PSG1: variants seen among roughly 807,000 people sequenced by gnomAD.
PSG1 encodes pregnancy-specific beta-1-glycoprotein 1.
PSG1 carries 60 observed loss-of-function variants against 41.4 expected under a neutral mutation model. That is an observed-to-expected ratio of 1.45 (90% CI 1.18 to 1.80). The LOEUF (loss-of-function observed/expected upper bound fraction) is 1.80. PSG1 is among the 40% of genes most tolerant of loss of function. The pLI is 0.00. For missense variants in PSG1, 806 were observed against 516.9 expected (o/e 1.56, Z -5.42); for synonymous variants, 256 against 192.9 (o/e 1.33, Z -2.71).
chr19:42,871,706 G>A, intron 3 of PSG1, 61 bp downstream of exon 3: 1 of 1,612,490 alleles, frequency 6.2e-7, no homozygotes, highest in Non-Finnish European at 8.5e-7. Flanking sequence ...GAGAGGCCTG[G>A]CCTCTGGCCA....
At chr19:42,878,355 A>G in intron 1 of PSG1, 77 bp from the exon 2 acceptor site, 1 of 1,525,054 alleles carries the variant, frequency 6.6e-7, no homozygotes, top group Non-Finnish European at 8.8e-7. Flanking sequence ...GGGTCCTGAG[A>G]AGGTCTCTTC....
At chr19:42,874,516 T>A (rs1422918712) in intron 2 of PSG1, among the ~76,000 whole-genome samples, 1 of 151,430 alleles carries the variant, frequency 6.6e-6, no homozygotes, top group Non-Finnish European at 1.5e-5. Context: ...CTGGCTAATT[T>A]TTTGCATTTT....
At chr19:42,869,733 C>G (rs1301387634) in intron 3 of PSG1, 1 of 152,294 alleles carries the variant, frequency 6.6e-6, no homozygotes, top group Non-Finnish European at 1.5e-5. Flanking sequence ...CAGGCAAGAG[C>G]TGGTGGCTTT....
chr19:42,874,873 T>C (rs1170257201), intron 2 of PSG1, among the ~76,000 whole-genome samples: 1 of 151,454 alleles, frequency 6.6e-6, no homozygotes, highest in Non-Finnish European at 1.5e-5. Context: ...CTGAGGGATT[T>C]TAACAAGTTG....
In PSG1 at chr19:42,869,016, T is replaced by G. The variant is rs569024657; in HGVS notation, c.728A>C (p.Tyr243Ser). Residue 243 changes from tyrosine (Y) to serine (S), a missense_variant, in exon 4 of 6, where the codon TAC becomes TCC. Transcript: ENST00000436291. ...LNLLPKLPKP[Y>S]ITINNLNPRE... ...GGGGTTTAAGTTGTTGATGGTGATG[T>G]AGGGCTTGGGCAGCTTCGCTGTGTG... 6.2e-7 allele frequency: 1 copy of G among 1,610,752 alleles called. No homozygotes were observed. The highest frequency in any genetic ancestry group is 1.1e-5 in the South Asian group (1 of 90,742).
Position 42,866,822 on chromosome 19 carries a change from C to T in PSG1, c.*312G>A, listed in dbSNP as rs1971155299. The T allele has an allele frequency of 1.7e-6, 1 of 587,756 alleles. No individual in the cohort carries two copies. Among genetic ancestry groups the T allele is most frequent in the Non-Finnish European group, 3.0e-6 (1 of 328,552 alleles). 36.4% of individuals were successfully genotyped at this position (587,756 alleles called of 1,614,324 possible). On this transcript the variant is annotated 3_prime_UTR_variant, in exon 6 of 6. Transcript: ENST00000436291. Reference sequence around the variant, plus strand: ...GCATTATCCTGCCAAGTGAAAGAGGCAGGCATGAGCAAGGACAGTTAAGAG... The same window carrying T: ...GCATTATCCTGCCAAGTGAAAGAGGTAGGCATGAGCAAGGACAGTTAAGAG...
Position 42,866,924 on chromosome 19 carries a change from C to T in PSG1, c.*210G>A, listed in dbSNP as rs1260347120. The stretch of plus-strand genomic sequence containing the variant: ...ACTGTCCACAGTGTGAAGTCATCCA[C>T]TTGTTGTCCTGGTTTACAGTTTGAG... On this transcript the variant is annotated 3_prime_UTR_variant, in exon 6 of 6. Transcript: ENST00000436291. 2.8e-6 allele frequency: 2 copies of T among 708,232 alleles called. No homozygotes were observed. The highest frequency in any genetic ancestry group is 3.9e-5 in the Admixed American group (2 of 51,276). The allele number at this position is 708,232 out of a possible 1,614,324, so 43.9% of individuals were successfully genotyped here.
intron 5 of PSG1, chr19:42,867,703 C>A: frequency 1.2e-6 from 1 of 812,412 alleles, no homozygotes; most frequent in Admixed American, 1.8e-5. Context: ...GTAAATGTTT[C>A]AATTACGGTT....
rs761677303 is a variant in PSG1 at position 42,868,839 on chromosome 19, C to T, written c.905G>A (p.Arg302Lys). Reference sequence around the variant, plus strand: ...ACATTGATAGGGTCCTGTTTCATTTCTCGTGACACTGGGTAGAATGAGGAT... The same window carrying T: ...ACATTGATAGGGTCCTGTTTCATTTTTCGTGACACTGGGTAGAATGAGGAT... ...NRILILPSVT[R>K]NETGPYQCEI... is the part of the protein sequence containing the mutation. Residue 302 changes from arginine (R) to lysine (K), a missense_variant, in exon 4 of 6, where the codon AGA becomes AAA. Transcript: ENST00000436291. 5.0e-6 allele frequency: 8 copies of T among 1,611,466 alleles called. No individual in the cohort carries two copies. The Admixed American group carries it at 8.4e-5, about 17-fold the overall frequency.
At chr19:42,876,767 G>A (rs1568425560) in intron 2 of PSG1, 1 of 164,832 alleles carries the variant, frequency 6.1e-6, no homozygotes, top group African/African-American at 2.4e-5. Flanking sequence ...ATTTAGTTCT[G>A]GAGTGCAGAC....
chr19:42,871,283 G>C (rs1358817282), intron 3 of PSG1, among the ~76,000 whole-genome samples: 1 of 151,712 alleles, frequency 6.6e-6, no homozygotes, highest in African/African-American at 2.4e-5. Flanking sequence ...GATGGAGTCT[G>C]TGAGGCAGGA....
At chr19:42,874,755 C>G (rs9304616) in intron 2 of PSG1, among the ~76,000 whole-genome samples, 50,717 of 150,914 alleles carry the variant, frequency 0.34, 9,646 homozygotes, top group South Asian at 0.46. Flanking sequence ...GAAGCTAGAA[C>G]TCTCTAGAAA....
chr19:42,875,092 A>G (rs1971548902), intron 2 of PSG1, among the ~76,000 whole-genome samples: 1 of 151,676 alleles, frequency 6.6e-6, no homozygotes, highest in Admixed American at 6.6e-5. Flanking sequence ...CACCCTGGTG[A>G]GTCAGTGCAG....
In PSG1 at chr19:42,869,268, A is replaced by T. The variant is rs948263523; in HGVS notation, c.710-234T>A. ...CTTTCTGAAGTGTCAATTGAGCAGCAGTGTTGGGTCATGGACAGACACGTC... is the reference window on the plus strand; with the variant it reads ...CTTTCTGAAGTGTCAATTGAGCAGCTGTGTTGGGTCATGGACAGACACGTC... On this transcript the variant is annotated intron_variant, in intron 3 of 5. Transcript: ENST00000436291. 6.3e-6 allele frequency: 6 copies of T among 951,782 alleles called. No individual in the cohort carries two copies. In the African/African-American group the frequency reaches 1.0e-4, roughly 16 times the overall value. The allele number at this position is 951,782 out of a possible 1,614,324, so 59.0% of individuals were successfully genotyped here. A position where few individuals can be genotyped will look rare whatever the true frequency, so the allele number is the denominator to read the frequency against.
At chr19:42,873,835 G>T (rs1277134731) in intron 2 of PSG1, among the ~76,000 whole-genome samples, 7 of 151,516 alleles carry the variant, frequency 4.6e-5, no homozygotes, top group Non-Finnish European at 1.0e-4. Flanking sequence ...GCAGAGTTAG[G>T]AAAAATGGGG....
intron 5 of PSG1, 67 bp downstream of exon 5, chr19:42,868,034 C>G (rs1217028026): frequency 1.9e-6 from 3 of 1,611,362 alleles, no homozygotes; most frequent in Non-Finnish European, 2.5e-6. Context: ...GTTTTCCTGA[C>G]TCTTCTCTGA....
At chr19:42,879,307 C>T (rs1049275988) in intron 1 of PSG1, among the ~76,000 whole-genome samples, 1 of 151,266 alleles carries the variant, frequency 6.6e-6, no homozygotes, top group East Asian at 1.9e-4. Flanking sequence ...AGCACACCAC[C>T]ATACCTGGTT....
chr19:42,879,303 C>G (rs930797878), intron 1 of PSG1, among the ~76,000 whole-genome samples: 1 of 151,282 alleles, frequency 6.6e-6, no homozygotes, highest in Non-Finnish European at 1.5e-5. Context: ...TAGGAGCACA[C>G]CACCATACCT....
Position 42,868,347 on chromosome 19 carries a change from C to A in PSG1, c.997G>T (p.Asp333Tyr). The change falls in exon 5 of 6, where the codon GAC (aspartate) becomes TAC (tyrosine). Residue 333 changes from aspartate (D) to tyrosine (Y), a missense_variant. By Grantham distance (160) the Asp-to-Tyr change is radical (BLOSUM62 -3). Transcript: ENST00000436291. ...PVTLNVLYGPDLPRIYPSFTY... is the reference protein window; with the variant it reads ...PVTLNVLYGPYLPRIYPSFTY... ...AATGAAGGGTAAATTCTGGGGAGGTCTGGACCATCTGGAGCAAAGAGAATA... is the reference window on the plus strand; with the variant it reads ...AATGAAGGGTAAATTCTGGGGAGGTATGGACCATCTGGAGCAAAGAGAATA... 6.2e-7 allele frequency: 1 copy of A among 1,608,006 alleles called. No homozygotes were observed. Among genetic ancestry groups the A allele is most frequent in the Non-Finnish European group, 8.5e-7 (1 of 1,176,270 alleles).
Sources: gnomAD v4.1 joint callset for allele counts (sites outside exome capture counted in the v4.1 genomes callset) on GRCh38, gnomAD v4.1.1 for gene constraint, MANE v1.5 for transcripts, NCBI Gene and HGNC (gene_info 2026-07-23, HGNC 2026-07-21) for gene names.